BNC2: variants seen among roughly 807,000 people sequenced by gnomAD.
The protein encoded by BNC2 is zinc finger protein basonuclin-2.
In BNC2, 20 loss-of-function variants were observed where a neutral mutation model predicts 76.3. The observed-to-expected ratio is 0.26, with a 90% CI of 0.18 to 0.38. The LOEUF (loss-of-function observed/expected upper bound fraction) is 0.38, where lower values mean the gene tolerates loss of function less well. Ranked by LOEUF, BNC2 falls within the 10% of genes least tolerant of loss-of-function variation. The pLI, the probability that BNC2 is intolerant of heterozygous loss-of-function variation, is 1.00. For missense variants in BNC2, 1,382 were observed against 1,399.8 expected, an observed-to-expected ratio of 0.99 and a Z score of 0.20; for synonymous variants, 582 against 514.8, an observed-to-expected ratio of 1.13 and a Z score of -1.77.
At chr9:16,605,892 T>C (rs1300529504) in intron 3 of BNC2, among the ~76,000 whole-genome samples, 1 of 148,646 alleles carries the variant, frequency 6.7e-6, no homozygotes, top group Non-Finnish European at 1.5e-5. Context: ...CAGGCTCAGG[T>C]GATCCTCCCA....
intron 4 of BNC2, chr9:16,580,125 A>G: frequency 5.0e-6 from 2 of 398,576 alleles, no homozygotes; most frequent in Non-Finnish European, 4.4e-6. Context: ...AGCAGAAGTC[A>G]TTGGAGACAC....
intron 1 of BNC2, among the ~76,000 whole-genome samples, chr9:16,745,286 T>A (rs1333643924): frequency 6.6e-6 from 1 of 152,218 alleles, no homozygotes; most frequent in Non-Finnish European, 1.5e-5. Context: ...AGATGTGTTT[T>A]GCTTGGCTCC....
chr9:16,424,065 G>A (rs1414679626), intron 6 of BNC2, among the ~76,000 whole-genome samples: 1 of 152,130 alleles, frequency 6.6e-6, no homozygotes, highest in Non-Finnish European at 1.5e-5. Context: ...CAGAAGACAT[G>A]AAATCCATCA....
At chr9:16,718,738 A>G (rs1824061775) in intron 3 of BNC2, among the ~76,000 whole-genome samples, 1 of 152,228 alleles carries the variant, frequency 6.6e-6, no homozygotes, top group Non-Finnish European at 1.5e-5. Context: ...AATTACAACA[A>G]GATTCTTAGG....
chr9:16,695,456 A>G (rs1823307820), intron 3 of BNC2, among the ~76,000 whole-genome samples: 1 of 151,984 alleles, frequency 6.6e-6, no homozygotes, highest in Admixed American at 6.6e-5. Context: ...GCAACCTTCT[A>G]GAAGGGGGAA....
intron 1 of BNC2, among the ~76,000 whole-genome samples, chr9:16,864,663 G>C (rs948511530): frequency 2.0e-5 from 3 of 152,166 alleles, no homozygotes; most frequent in Non-Finnish European, 2.9e-5. Flanking sequence ...ATATCAACAT[G>C]TGGCACATGT....
chr9:16,536,439 T>A (rs1370474714), intron 5 of BNC2, among the ~76,000 whole-genome samples: 1 of 152,214 alleles, frequency 6.6e-6, no homozygotes, highest in Non-Finnish European at 1.5e-5. Context: ...TAAGCTGAGG[T>A]ATGTGAGTTT....
At chr9:16,835,497 G>A (rs931323855) in intron 1 of BNC2, among the ~76,000 whole-genome samples, 6 of 151,982 alleles carry the variant, frequency 3.9e-5, no homozygotes, top group African/African-American at 1.2e-4. Flanking sequence ...TCAGGAGTTC[G>A]AGGCCAGCCT....
In BNC2 at chr9:16,788,397, C is replaced by CA. The variant is rs545460736; in HGVS notation, c.4-49913dup. On this transcript the variant is annotated intron_variant, in intron 1 of 6. Transcript: ENST00000380672. ...TGAAACCCCGTCTCTACCAAAAATA[C>CA]AAAAAATTAGCCGGGCGTGGTGGTA... 1.1e-3 allele frequency among the ~76,000 whole-genome samples: 165 copies of CA among 151,774 alleles called. 3 individuals carry two copies. The East Asian group carries it at 0.029, about 26-fold the overall frequency.
chr9:16,596,505 C>T (rs1820084326), intron 3 of BNC2, among the ~76,000 whole-genome samples: 1 of 152,068 alleles, frequency 6.6e-6, no homozygotes, highest in Non-Finnish European at 1.5e-5. Flanking sequence ...TTATTTTTAC[C>T]TCTTTACACC....
At chr9:16,668,169 C>G (rs940027948) in intron 3 of BNC2, among the ~76,000 whole-genome samples, 7 of 152,114 alleles carry the variant, frequency 4.6e-5, no homozygotes, top group African/African-American at 1.7e-4. Flanking sequence ...GGAAGGAGAC[C>G]TCACTGGGAG....
intron 1 of BNC2, among the ~76,000 whole-genome samples, chr9:16,739,032 G>GA (rs552050451): frequency 0.022 from 3,102 of 137,942 alleles, 44 homozygotes; most frequent in Middle Eastern, 0.068. Context: ...GTATGGTTTA[G>GA]AAAAAAAAAA....
rs115287641 is a variant in BNC2, at chr9:16,435,337, G to A, written c.2639+218C>T. Among the ~76,000 whole-genome samples the A allele has an allele frequency of 8.1e-3, 1,237 of 152,240 alleles. 19 individuals carry two copies. The highest frequency in any genetic ancestry group is 0.028 in the African/African-American group (1,145 of 41,526). ...CAGAGAAAAATGGCGTGCATTACGG[G>A]TAAGATGGCACATGATTCTGCATGC... On this transcript the variant is annotated intron_variant, in intron 6 of 6. Coordinates refer to ENST00000380672, the MANE Select transcript of BNC2 (RefSeq NM_017637.6).
chr9:16,465,434 C>CAAAA (rs34834563), intron 5 of BNC2, among the ~76,000 whole-genome samples: 1 of 84,288 alleles, frequency 1.2e-5, no homozygotes, highest in African/African-American at 4.4e-5. Flanking sequence ...ACTCCAACTC[C>CAAAA]AAAAAAAAAA....
chr9:16,480,364 C>G (rs1369002970), intron 5 of BNC2, among the ~76,000 whole-genome samples: 1 of 152,248 alleles, frequency 6.6e-6, no homozygotes, highest in Non-Finnish European at 1.5e-5. Flanking sequence ...TCACAGCCCT[C>G]GCTCACTCTC....
intron 1 of BNC2, among the ~76,000 whole-genome samples, chr9:16,845,512 G>C (rs7864936): frequency 6.6e-5 from 10 of 151,460 alleles, no homozygotes; most frequent in South Asian, 2.1e-4. Context: ...ACAAGGTCAG[G>C]AGATCGAGAC....
At chr9:16,613,086 T>C (rs1336705687) in intron 3 of BNC2, among the ~76,000 whole-genome samples, 1 of 152,096 alleles carries the variant, frequency 6.6e-6, no homozygotes. Context: ...CCTAGGACCA[T>C]AAGGTTAGAA....
intron 3 of BNC2, among the ~76,000 whole-genome samples, chr9:16,640,107 A>G (rs1338094315): frequency 2.0e-5 from 3 of 152,132 alleles, no homozygotes; most frequent in Non-Finnish European, 2.9e-5. Context: ...AAAAAAATAG[A>G]GACTAGCAAA....
intron 3 of BNC2, among the ~76,000 whole-genome samples, chr9:16,592,567 C>CT (rs1306764838): frequency 6.6e-6 from 1 of 152,030 alleles, no homozygotes; most frequent in Non-Finnish European, 1.5e-5. Context: ...CATGGAGTTT[C>CT]TTTTTGAGGT....
Sources: allele counts gnomAD v4.1 joint callset (sites outside exome capture counted in the v4.1 genomes callset), GRCh38; gene constraint gnomAD v4.1.1; transcripts MANE v1.5; gene names NCBI Gene and HGNC (gene_info 2026-07-23, HGNC 2026-07-21).